The following PTPRD variants were observed in gnomAD, a reference collection of about 807,000 sequenced individuals.
PTPRD encodes protein tyrosine phosphatase receptor type D.
In PTPRD, 34 loss-of-function variants were observed where a neutral mutation model predicts 214.5. That is an observed-to-expected ratio of 0.16 (90% confidence interval 0.12 to 0.21). The LOEUF is 0.21. Ranked by LOEUF, PTPRD falls within the 10% of genes least tolerant of loss-of-function variation. PTPRD has a pLI of 1.00. For missense variants in PTPRD, 2,545 were observed against 2,398.7 expected (o/e 1.06, Z -1.27); for synonymous variants, 1,128 against 845.7 (o/e 1.33, Z -5.79).
At chr9:9,371,781 T>C (rs1338865197) in intron 9 of PTPRD, among the ~76,000 whole-genome samples, 1 of 152,166 alleles carries the variant, frequency 6.6e-6, no homozygotes, top group Admixed American at 6.5e-5. Flanking sequence ...CACACTGCTT[T>C]GAATGTGTCC....
chr9:8,529,750 G>C (rs2075189104), intron 14 of PTPRD, among the ~76,000 whole-genome samples: 1 of 152,082 alleles, frequency 6.6e-6, no homozygotes, highest in African/African-American at 2.4e-5. Context: ...TAGATGGGTG[G>C]CAATTATCCA....
At chr9:9,081,629 T>G (rs995480673) in intron 10 of PTPRD, among the ~76,000 whole-genome samples, 2 of 152,088 alleles carry the variant, frequency 1.3e-5, no homozygotes, top group Admixed American at 1.3e-4. Flanking sequence ...TGTGGGAGTC[T>G]AAGTCTCTTT....
intron 3 of PTPRD, among the ~76,000 whole-genome samples, chr9:10,294,922 C>A (rs997057845): frequency 6.6e-6 from 1 of 151,944 alleles, no homozygotes; most frequent in Non-Finnish European, 1.5e-5. Context: ...TATGGTTTGA[C>A]ATCCATTTGT....
chr9:9,968,220 A>G (rs2094841490), intron 4 of PTPRD, among the ~76,000 whole-genome samples: 1 of 152,222 alleles, frequency 6.6e-6, no homozygotes, highest in African/African-American at 2.4e-5. Context: ...ACACTAGGAC[A>G]TTTGAAGGCC....
At chr9:10,259,219 T>G (rs1320804797) in intron 3 of PTPRD, among the ~76,000 whole-genome samples, 3 of 151,976 alleles carry the variant, frequency 2.0e-5, no homozygotes, top group Admixed American at 6.6e-5. Flanking sequence ...AGAGAAGGGG[T>G]TTCACCGTGT....
At position 10,474,098 on chromosome 9, in the gene PTPRD, T is replaced by C. The variant is rs1369958624; in HGVS notation, c.-599-133081A>G. On this transcript the variant is annotated intron_variant, in intron 2 of 45. Coordinates refer to ENST00000381196, the MANE Select transcript of PTPRD (RefSeq NM_002839.4). ...TCAACTAATGTGCAAAATAACCAGC[T>C]AGCATCATCACGACAGGATCAAATT... Among the ~76,000 whole-genome samples, 3 of 152,074 alleles carry C rather than the reference T, an allele frequency of 2.0e-5. No individual in the cohort carries two copies. In the East Asian group the frequency reaches 5.8e-4, roughly 29 times the overall value.
intron 36 of PTPRD, among the ~76,000 whole-genome samples, chr9:8,398,109 C>G (rs2091622006): frequency 6.6e-6 from 1 of 152,118 alleles, no homozygotes; most frequent in Non-Finnish European, 1.5e-5. Context: ...GAAATTTTGT[C>G]TGCACTTAAA....
intron 35 of PTPRD, among the ~76,000 whole-genome samples, chr9:8,429,502 A>G (rs2094908494): frequency 6.6e-6 from 1 of 152,078 alleles, no homozygotes; most frequent in Admixed American, 6.6e-5. Context: ...AAGGAAATAT[A>G]TTTTTCCTTT....
chr9:10,156,308 A>G (rs1310250876), intron 3 of PTPRD, among the ~76,000 whole-genome samples: 4 of 152,156 alleles, frequency 2.6e-5, no homozygotes, highest in African/African-American at 9.6e-5. Context: ...TGCCCTAGCT[A>G]TGTGCCAGAG....
At chr9:8,890,880 T>C (rs1274682244) in intron 11 of PTPRD, among the ~76,000 whole-genome samples, 1 of 152,182 alleles carries the variant, frequency 6.6e-6, no homozygotes, top group African/African-American at 2.4e-5. Flanking sequence ...AAGGCCACGT[T>C]CAGCAGCTGC....
intron 15 of PTPRD, 31 bp downstream of exon 15, chr9:8,528,560 G>A (rs777676409): frequency 1.9e-6 from 3 of 1,580,382 alleles, no homozygotes; most frequent in Admixed American, 3.6e-5. Flanking sequence ...AAATTCTCTA[G>A]GAGTTAGTAG....
At chr9:8,968,345 G>C (rs1297928786) in intron 11 of PTPRD, among the ~76,000 whole-genome samples, 1 of 151,988 alleles carries the variant, frequency 6.6e-6, no homozygotes, top group Non-Finnish European at 1.5e-5. Flanking sequence ...CTTCCACAAT[G>C]GTTGAACTAG....
intron 7 of PTPRD, among the ~76,000 whole-genome samples, chr9:9,628,614 A>T (rs1403188664): frequency 6.6e-6 from 1 of 152,188 alleles, no homozygotes; most frequent in Non-Finnish European, 1.5e-5. Context: ...TTAATGACAG[A>T]AAGTAACTAA....
intron 14 of PTPRD, among the ~76,000 whole-genome samples, chr9:8,622,181 A>G (rs1476228342): frequency 6.6e-6 from 1 of 151,974 alleles, no homozygotes; most frequent in Non-Finnish European, 1.5e-5. Context: ...AAATGGGTAT[A>G]TTACTCTGAA....
At chr9:10,043,816 G>C (rs2097340468) in intron 3 of PTPRD, among the ~76,000 whole-genome samples, 1 of 151,794 alleles carries the variant, frequency 6.6e-6, no homozygotes, top group African/African-American at 2.4e-5. Flanking sequence ...AAATTCCAAA[G>C]TCTATTTTAT....
At chr9:9,676,658 G>A (rs921039346) in intron 7 of PTPRD, among the ~76,000 whole-genome samples, 4 of 152,060 alleles carry the variant, frequency 2.6e-5, no homozygotes, top group Non-Finnish European at 4.4e-5. Flanking sequence ...GGGATGGCTG[G>A]ATCAAATGGT....
At chr9:9,871,172 A>G (rs910771167) in intron 5 of PTPRD, among the ~76,000 whole-genome samples, 1 of 152,210 alleles carries the variant, frequency 6.6e-6, no homozygotes, top group Non-Finnish European at 1.5e-5. Context: ...AAATAAAATA[A>G]TTTAGTCCTT....
chr9:9,239,690 C>T (rs1250470351), intron 9 of PTPRD, among the ~76,000 whole-genome samples: 1 of 152,258 alleles, frequency 6.6e-6, no homozygotes. Flanking sequence ...AGCCTGAAGA[C>T]ATTTGTGTAT....
chr9:10,378,495 G>T (rs765021620), intron 2 of PTPRD, among the ~76,000 whole-genome samples: 27 of 151,964 alleles, frequency 1.8e-4, no homozygotes, highest in Non-Finnish European at 3.1e-4. Context: ...TAGGGTGAGA[G>T]ATAGTAGACC....
Sources: allele counts gnomAD v4.1 joint callset (sites outside exome capture counted in the v4.1 genomes callset), GRCh38; gene constraint gnomAD v4.1.1; transcripts MANE v1.5; gene names NCBI Gene and HGNC (gene_info 2026-07-23, HGNC 2026-07-21).